Variants in ELL observed in about 807,000 individuals in gnomAD.
ELL encodes elongation factor for RNA polymerase II, also known as RNA polymerase II elongation factor ELL.
Under a neutral mutation model 64.0 loss-of-function variants are expected in ELL, and 18 were observed. The observed-to-expected ratio is 0.28, with a 90% CI of 0.19 to 0.42. ELL has a LOEUF of 0.42. ELL is among the 10% of genes least tolerant of loss of function. ELL has a pLI of 1.00. For synonymous variants in ELL, 399 were observed against 376.2 expected, an observed-to-expected ratio of 1.06 and a Z score of -0.70; for missense variants, 797 against 870.4, an observed-to-expected ratio of 0.92 and a Z score of 1.06.
rs1165549258 is a variant in ELL at position 18,472,744 on chromosome 19, T to C, written c.183+91A>G. 6.1e-6 allele frequency: 9 copies of C among 1,474,716 alleles called. No homozygotes were observed. In the Admixed American group the frequency reaches 1.5e-4, roughly 24 times the overall value. 91.4% of individuals were successfully genotyped at this position (1,474,716 alleles called of 1,614,324 possible). ...GGCAGACAGGGCCCAAACACTGCCA[T>C]GAGCTGCTGCTGTACCCAGCGAGCA... On this transcript the variant is annotated intron_variant, in intron 2 of 11. Transcript: ENST00000262809.
rs571559135 is a variant in ELL at position 18,501,547 on chromosome 19, C to T, written c.135+20374G>A. Reference sequence around the variant, plus strand: ...CAGAAGGGAGCAAGACACTGGTCCACGGCACAGCCAGCTCAGAGCCAGGCG... The same window carrying T: ...CAGAAGGGAGCAAGACACTGGTCCATGGCACAGCCAGCTCAGAGCCAGGCG... On this transcript the variant is annotated intron_variant, in intron 1 of 11. Coordinates refer to ENST00000262809, the MANE Select transcript of ELL (RefSeq NM_006532.4). The surrounding 1 kb of genome is among the most constrained non-coding windows in gnomAD (Gnocchi z 4.5). Among the ~76,000 whole-genome samples, 76 of 152,274 alleles carry T rather than the reference C, an allele frequency of 5.0e-4. No homozygotes were observed. The highest frequency in any genetic ancestry group is 1.3e-3 in the African/African-American group (54 of 41,556).
At position 18,446,214 on chromosome 19, in the gene ELL, T is replaced by G. The variant is rs551329846; in HGVS notation, c.1704+95A>C. The G allele has an allele frequency of 2.8e-5, 26 of 925,598 alleles. No homozygotes were observed. The African/African-American group carries it at 4.3e-4, about 15-fold the overall frequency. The allele number at this position is 925,598 out of a possible 1,614,324, so 57.3% of individuals were successfully genotyped here. A position where few individuals can be genotyped will look rare whatever the true frequency, so the allele number is the denominator to read the frequency against. On this transcript the variant is annotated intron_variant, in intron 10 of 11. Transcript: ENST00000262809. ...CGCTGCCTGGGGAAGGGCCAGACTC[T>G]GGGGCCACCAAGCTCGTGGTGGCGA...
intron 1 of ELL, among the ~76,000 whole-genome samples, chr19:18,474,556 G>A (rs557390888): frequency 1.2e-4 from 19 of 152,308 alleles, no homozygotes; most frequent in African/African-American, 4.3e-4. Context: ...ACTCCACAGC[G>A]AGCACGATTC....
rs748427937 is a variant in ELL, at chr19:18,449,719, G to A, written c.1465+758C>T. ...GCGAAGTGGCCATCTGCAACTGGCC[G>A]CCATCGCCACATGGGACCACTGCAG... is the stretch of plus-strand genomic sequence containing the variant. On this transcript the variant is annotated intron_variant, in intron 8 of 11. Transcript: ENST00000262809. This position sits in a 1 kb window ranked among gnomAD's most constrained non-coding sequence, Gnocchi z 4.4. 6.6e-5 allele frequency among the ~76,000 whole-genome samples: 10 copies of A among 152,202 alleles called. No homozygotes were observed. The highest frequency in any genetic ancestry group is 3.9e-4 in the East Asian group (2 of 5,194).
chr19:18,451,253 T>C (rs1203536955), intron 7 of ELL, among the ~76,000 whole-genome samples: 1 of 152,180 alleles, frequency 6.6e-6, no homozygotes, highest in Non-Finnish European at 1.5e-5. Flanking sequence ...CTCAGCATGC[T>C]TCCCCAGTGA....
At chr19:18,488,690 A>G (rs1480671482) in intron 1 of ELL, among the ~76,000 whole-genome samples, 1 of 152,172 alleles carries the variant, frequency 6.6e-6, no homozygotes, top group Non-Finnish European at 1.5e-5. Context: ...GCCTGATCAC[A>G]GGGACCTTCT....
chr19:18,503,644 TGAG>T (rs759267189), intron 1 of ELL, among the ~76,000 whole-genome samples: 1 of 152,026 alleles, frequency 6.6e-6, no homozygotes, highest in Non-Finnish European at 1.5e-5. Context: ...TCAGGGGCTG[TGAG>T]GAGATGTCTG....
intron 2 of ELL, 140 bp downstream of exon 2, chr19:18,472,695 G>T: frequency 1.9e-6 from 2 of 1,032,008 alleles, no homozygotes; most frequent in South Asian, 3.2e-5. Context: ...TATCCTGGGG[G>T]CCTAGAACCC....
At chr19:18,498,881 C>T (rs1364511935) in intron 1 of ELL, among the ~76,000 whole-genome samples, 1 of 152,088 alleles carries the variant, frequency 6.6e-6, no homozygotes, top group African/African-American at 2.4e-5. Flanking sequence ...AACCAGGAGG[C>T]AGAGGTTGCA....
At chr19:18,498,842 T>C (rs1157119822) in intron 1 of ELL, among the ~76,000 whole-genome samples, 2 of 152,014 alleles carry the variant, frequency 1.3e-5, no homozygotes, top group African/African-American at 4.8e-5. Flanking sequence ...CCCAGTTACT[T>C]GGGAGGCTGA....
chr19:18,481,221 T>C (rs1204418339), intron 1 of ELL, among the ~76,000 whole-genome samples: 2 of 152,186 alleles, frequency 1.3e-5, no homozygotes, highest in Admixed American at 1.3e-4. Context: ...GTCTTATCAA[T>C]GGAATCACAT....
At chr19:18,468,179 A>G (rs895925007) in intron 2 of ELL, among the ~76,000 whole-genome samples, 1 of 149,282 alleles carries the variant, frequency 6.7e-6, no homozygotes, top group African/African-American at 2.5e-5. Flanking sequence ...AACCACACAC[A>G]CAACCACAAC....
intron 1 of ELL, among the ~76,000 whole-genome samples, chr19:18,506,019 C>A (rs1975878364): frequency 6.6e-6 from 1 of 152,180 alleles, no homozygotes; most frequent in Admixed American, 6.5e-5. Context: ...CCTGGGCCCC[C>A]CATGCTGGCC....
At chr19:18,462,830 C>T (rs1480990631) in intron 4 of ELL, among the ~76,000 whole-genome samples, 2 of 152,156 alleles carry the variant, frequency 1.3e-5, no homozygotes, top group African/African-American at 4.8e-5. Flanking sequence ...GTAAAGATGT[C>T]GGAGCCACTT....
intron 6 of ELL, among the ~76,000 whole-genome samples, chr19:18,456,074 G>A (rs1167512972): frequency 2.0e-5 from 3 of 150,884 alleles, no homozygotes; most frequent in Non-Finnish European, 4.4e-5. Flanking sequence ...TCCAGCCTGG[G>A]CAACAAGAGC....
intron 1 of ELL, among the ~76,000 whole-genome samples, chr19:18,506,132 C>A (rs1975879844): frequency 6.6e-6 from 1 of 152,216 alleles, no homozygotes; most frequent in African/African-American, 2.4e-5. Context: ...TGTGCCCAGG[C>A]TGCTGCCCCT....
intron 1 of ELL, among the ~76,000 whole-genome samples, chr19:18,509,808 C>A (rs1011066701): frequency 2.0e-5 from 3 of 152,126 alleles, no homozygotes; most frequent in Non-Finnish European, 4.4e-5. Context: ...GCAGCTGGAC[C>A]CCCCCGCCCA....
Position 18,462,708 on chromosome 19 carries a change from T to C in ELL, c.470-856A>G, listed in dbSNP as rs1056359614. 5.7e-4 allele frequency among the ~76,000 whole-genome samples: 86 copies of C among 152,118 alleles called. 1 individual carries two copies. The highest frequency in any genetic ancestry group is 1.8e-4 in the Non-Finnish European group (12 of 68,020). On this transcript the variant is annotated intron_variant, in intron 4 of 11. Transcript: ENST00000262809. ...GAGGCAGGGGCTGTTTGTAAACCCT[T>C]CTGATGTTAAACTGGGGGTCCCTGA... is the stretch of plus-strand genomic sequence containing the variant.
Position 18,444,888 on chromosome 19 carries a change from T to TG in ELL, c.1750-21dup, listed in dbSNP as rs1568372929. Reference sequence around the variant, plus strand: ...GTTGGTCTGTGGGACAGCACAGTCATGCTCAGGACAGAGCCGCCCTGGGTG... The same window carrying TG: ...GTTGGTCTGTGGGACAGCACAGTCATGGCTCAGGACAGAGCCGCCCTGGGTG... On this transcript the variant is annotated intron_variant, in intron 11 of 11. Transcript: ENST00000262809. The TG allele has an allele frequency of 6.2e-7, 1 of 1,603,612 alleles. No homozygotes were observed. The highest frequency in any genetic ancestry group is 1.1e-5 in the South Asian group (1 of 90,532).
Sources: gnomAD v4.1 joint callset for allele counts (sites outside exome capture counted in the v4.1 genomes callset) on GRCh38, gnomAD v4.1.1 for gene constraint, Gnocchi (gnomAD v3.1) non-coding constraint, MANE v1.5 for transcripts, NCBI Gene and HGNC (gene_info 2026-07-23, HGNC 2026-07-21) for gene names.